Variants in DMD observed in about 807,000 individuals in gnomAD.
The protein encoded by DMD is mutant dystrophin.
A neutral mutation model predicts 330.1 loss-of-function variants in DMD; 63 were observed. That is an observed-to-expected ratio of 0.19 (90% CI 0.16 to 0.24). The LOEUF (loss-of-function observed/expected upper bound fraction) is 0.24. Among genes scored for constraint, DMD ranks in the 10% least tolerant of loss-of-function variants. The pLI, the probability that DMD is intolerant of heterozygous loss-of-function variation, is 1.00. For synonymous variants in DMD, 1,223 were observed against 959.8 expected, an observed-to-expected ratio of 1.27 and a Z score of -5.07; for missense variants, 3,344 against 2,684.1, an observed-to-expected ratio of 1.25 and a Z score of -5.43.
chrX:31,343,353 GAAGT>G (rs2057873589), intron 61 of DMD, among the ~76,000 whole-genome samples: 1 of 111,170 alleles, frequency 9.0e-6, no homozygotes, highest in South Asian at 3.7e-4. Context: ...ATTAAAACTA[GAAGT>G]AAGGACAAGT....
At chrX:31,305,889 T>TGTAA (rs896805247) in intron 62 of DMD, among the ~76,000 whole-genome samples, 1 of 112,598 alleles carries the variant, frequency 8.9e-6, no homozygotes, top group African/African-American at 3.2e-5. Flanking sequence ...TTGGCTAATT[T>TGTAA]GTAACACCAT....
chrX:31,244,318 T>C (rs2048629781), intron 63 of DMD, among the ~76,000 whole-genome samples: 1 of 112,186 alleles, frequency 8.9e-6, no homozygotes, highest in African/African-American at 3.2e-5. Flanking sequence ...TTTAAATTCA[T>C]AGCTATATTT....
intron 11 of DMD, among the ~76,000 whole-genome samples, chrX:32,624,308 G>C (rs1007268339): frequency 1.8e-5 from 2 of 111,582 alleles, no homozygotes; most frequent in African/African-American, 3.3e-5. Flanking sequence ...GCAGGAGTTG[G>C]TCCTGACAGT....
intron 50 of DMD, among the ~76,000 whole-genome samples, chrX:31,804,325 CA>C (rs2092213124): frequency 9.0e-6 from 1 of 111,519 alleles, no homozygotes; most frequent in Non-Finnish European, 1.9e-5. Flanking sequence ...AATCAGTTAC[CA>C]GGGCCTGTTG....
intron 55 of DMD, among the ~76,000 whole-genome samples, chrX:31,577,343 C>A (rs1222155210): frequency 1.8e-5 from 2 of 112,091 alleles, no homozygotes; most frequent in Admixed American, 1.9e-4. Flanking sequence ...TTGGTGAGTG[C>A]CAGATCACTA....
chrX:33,220,259 C>T (rs1227413866), intron 1 of DMD, among the ~76,000 whole-genome samples: 6 of 111,060 alleles, frequency 5.4e-5, no homozygotes, highest in Admixed American at 9.6e-5. Flanking sequence ...GGTGTGGTAG[C>T]GAGGAGTGGA....
At chrX:33,337,197 C>T (rs2054267844) in intron 1 of DMD, among the ~76,000 whole-genome samples, 1 of 111,679 alleles carries the variant, frequency 9.0e-6, no homozygotes, top group African/African-American at 3.2e-5. Context: ...TAGAAGGAAG[C>T]TCACATTTTT....
chrX:31,396,451 A>G (rs1024222601), intron 60 of DMD, among the ~76,000 whole-genome samples: 5 of 110,015 alleles, frequency 4.5e-5, no homozygotes, highest in Non-Finnish European at 9.5e-5. Context: ...GATGACAATT[A>G]TATGTGTGTA....
At chrX:33,101,482 T>C (rs1049674549) in intron 1 of DMD, among the ~76,000 whole-genome samples, 18 of 111,375 alleles carry the variant, frequency 1.6e-4, no homozygotes, top group African/African-American at 5.6e-4. Flanking sequence ...AATACAGAAA[T>C]TAGCTGGGCG....
At chrX:32,249,918 C>T (rs899462753) in intron 43 of DMD, among the ~76,000 whole-genome samples, 1 of 111,375 alleles carries the variant, frequency 9.0e-6, no homozygotes, top group African/African-American at 3.3e-5. Flanking sequence ...GGAAAACTTG[C>T]AACCCTAGAA....
At chrX:33,023,509 C>T (rs12842873) in intron 1 of DMD, among the ~76,000 whole-genome samples, 3 of 111,260 alleles carry the variant, frequency 2.7e-5, no homozygotes, top group South Asian at 3.7e-4. Context: ...TAGTCTTTTA[C>T]GGTATTGCTG....
intron 6 of DMD, among the ~76,000 whole-genome samples, chrX:32,811,238 A>T (rs2077349737): frequency 9.2e-6 from 1 of 109,020 alleles, no homozygotes. Context: ...CCAGCTACTC[A>T]GGAGGCTGAG....
rs113376557 is a variant in DMD at position 32,312,997 on chromosome X, T to C, written c.5923-2721A>G. On this transcript the variant is annotated intron_variant, in intron 41 of 78. Transcript: ENST00000357033. ...ACCAGACGGATTCACAGCTGAATTCTACCAGAGATACAAAGAGGAGCTGGT... is the reference window on the plus strand; with the variant it reads ...ACCAGACGGATTCACAGCTGAATTCCACCAGAGATACAAAGAGGAGCTGGT... Among the ~76,000 whole-genome samples, 589 of 92,002 alleles carry C rather than the reference T, an allele frequency of 6.4e-3. 4 individuals are homozygous for C. Among genetic ancestry groups the C allele is most frequent in the African/African-American group, 0.021 (561 of 26,532 alleles). 79.9% of individuals were successfully genotyped at this position (92,002 alleles called of 115,157 possible).
At chrX:32,626,322 C>T (rs867669335) in intron 11 of DMD, among the ~76,000 whole-genome samples, 2 of 95,448 alleles carry the variant, frequency 2.1e-5, no homozygotes, top group Non-Finnish European at 3.8e-5. Flanking sequence ...CAAAAATTAG[C>T]TGGGCGTGGT....
At chrX:32,964,169 TC>T (rs1569546157) in intron 2 of DMD, among the ~76,000 whole-genome samples, 1 of 99,377 alleles carries the variant, frequency 1.0e-5, no homozygotes, top group African/African-American at 3.9e-5. Flanking sequence ...GGCAGGAGAA[TC>T]CCTTGAACCT....
At chrX:31,601,314 A>C (rs1354544848) in intron 55 of DMD, among the ~76,000 whole-genome samples, 1 of 112,212 alleles carries the variant, frequency 8.9e-6, no homozygotes, top group African/African-American at 3.2e-5. Flanking sequence ...ATAAGTTTTT[A>C]ATATATTAAC....
intron 7 of DMD, among the ~76,000 whole-genome samples, chrX:32,766,956 G>A (rs1038308575): frequency 6.3e-5 from 7 of 111,168 alleles, no homozygotes; most frequent in African/African-American, 1.6e-4. Context: ...TTTAATGCTT[G>A]CCAACACCAT....
chrX:32,814,871 G>T (rs762664047), intron 6 of DMD, among the ~76,000 whole-genome samples: 1 of 111,544 alleles, frequency 9.0e-6, no homozygotes, highest in Non-Finnish European at 1.9e-5. Context: ...CACATAACCT[G>T]ATCCTTGATA....
chrX:31,199,279 T>C (rs2043208089), intron 67 of DMD, among the ~76,000 whole-genome samples: 1 of 85,251 alleles, frequency 1.2e-5, no homozygotes, highest in Non-Finnish European at 2.4e-5. Flanking sequence ...CTTAAACTCG[T>C]TGCAAAACTT....
Sources: gnomAD v4.1 joint callset for allele counts (sites outside exome capture counted in the v4.1 genomes callset) on GRCh38, gnomAD v4.1.1 for gene constraint, MANE v1.5 for transcripts, NCBI Gene and HGNC (gene_info 2026-07-23, HGNC 2026-07-21) for gene names.